Variants in RGS7 observed in about 807,000 individuals in gnomAD.
RGS7 encodes the protein regulator of G-protein signaling 7.
In RGS7, 27 loss-of-function variants were observed where a neutral mutation model predicts 81.1. The ratio of observed to expected loss-of-function variants is 0.33; its 90% CI spans 0.25 to 0.46. The LOEUF is 0.46. Among genes scored for constraint, RGS7 ranks in the 20% least tolerant of loss-of-function variants. The probability of loss-of-function intolerance (pLI) is 1.00; values close to 1 mark genes in which losing one functional copy is unlikely to be tolerated. For missense variants in RGS7, 396 were observed against 607.4 expected (o/e 0.65, Z 3.66); for synonymous variants, 208 against 207.7 (o/e 1.00, Z -0.01).
intron 3 of RGS7, among the ~76,000 whole-genome samples, chr1:241,090,402 C>T (rs2063799330): frequency 6.6e-6 from 1 of 152,132 alleles, no homozygotes; most frequent in African/African-American, 2.4e-5. Flanking sequence ...GACAATGACT[C>T]TCATCTTGGA....
Position 240,901,366 on chromosome 1 carries a change from G to A in RGS7, c.385+29351C>T, listed in dbSNP as rs370608763. Among the ~76,000 whole-genome samples, 6 of 152,122 alleles carry A rather than the reference G, an allele frequency of 3.9e-5. No individual in the cohort carries two copies. The East Asian group carries it at 5.8e-4, about 15-fold the overall frequency. Reference sequence around the variant, plus strand: ...AATGCAGAAATCACCCGTCTTCTGCGTCGCTCATGCTGGGAGCTGTAGACT... The same window carrying A: ...AATGCAGAAATCACCCGTCTTCTGCATCGCTCATGCTGGGAGCTGTAGACT... On this transcript the variant is annotated intron_variant, in intron 6 of 18. Coordinates refer to ENST00000440928, the MANE Select transcript of RGS7 (RefSeq NM_001364886.1).
At chr1:240,807,427 C>T (rs906854653) in intron 14 of RGS7, among the ~76,000 whole-genome samples, 2 of 152,096 alleles carry the variant, frequency 1.3e-5, no homozygotes, top group Non-Finnish European at 1.5e-5. Context: ...AAACTTCAGG[C>T]TACAGAGTCT....
rs984908480 is a variant in RGS7 at position 241,157,917 on chromosome 1, C to T, written c.79-59155G>A. Among the ~76,000 whole-genome samples, 17 of 150,240 alleles carry T rather than the reference C, an allele frequency of 1.1e-4. 1 individual carries two copies. Among genetic ancestry groups the T allele is most frequent in the African/African-American group, 2.0e-4 (8 of 40,672 alleles). Reference sequence around the variant, plus strand: ...CACTGCAAGCTCCACCTCCCGGTCACGCCATTCTCCTGCCTCAGCCTCCCG... The same window carrying T: ...CACTGCAAGCTCCACCTCCCGGTCATGCCATTCTCCTGCCTCAGCCTCCCG... On this transcript the variant is annotated intron_variant, in intron 2 of 18. Coordinates refer to ENST00000440928, the MANE Select transcript of RGS7 (RefSeq NM_001364886.1).
At position 241,174,895 on chromosome 1, in the gene RGS7, G is replaced by GTTT. The variant is rs551122102; in HGVS notation, c.79-76136_79-76134dup. ...ACTAGACTCCAATTCACAGAATTTT[G>GTTT]TTTTTTTTTTTTTTTTTTTTTTTTT... On this transcript the variant is annotated intron_variant, in intron 2 of 18. Transcript: ENST00000440928. Among the ~76,000 whole-genome samples, 261 of 69,244 alleles carry GTTT rather than the reference G, an allele frequency of 3.8e-3. 2 individuals are homozygous for GTTT. Among genetic ancestry groups the GTTT allele is most frequent in the African/African-American group, 8.5e-3 (143 of 16,736 alleles). 45.4% of individuals were successfully genotyped at this position (69,244 alleles called of 152,430 possible). A position where few individuals can be genotyped will look rare whatever the true frequency, so the allele number is the denominator to read the frequency against.
chr1:240,955,583 A>C (rs1260004041), intron 4 of RGS7, among the ~76,000 whole-genome samples: 4 of 91,208 alleles, frequency 4.4e-5, no homozygotes, highest in African/African-American at 1.5e-4. Context: ...AAAAAAAAAA[A>C]CCGATTTGGA....
rs527439209 is a variant in RGS7, at chr1:241,028,901, C to T, written c.176-45772G>A. ...TGACACAGAAGACCCAAAGGGAATG[C>T]GAACTGGGGCAGCCAGAAAGGGCTT... On this transcript the variant is annotated intron_variant, in intron 3 of 18. Coordinates refer to ENST00000440928, the MANE Select transcript of RGS7 (RefSeq NM_001364886.1). Among the ~76,000 whole-genome samples, 43 of 152,188 alleles carry T rather than the reference C, an allele frequency of 2.8e-4. No individual in the cohort carries two copies. The South Asian group carries it at 6.9e-3, about 24-fold the overall frequency.
intron 4 of RGS7, among the ~76,000 whole-genome samples, chr1:240,956,579 T>C (rs1680467049): frequency 6.6e-6 from 1 of 152,084 alleles, no homozygotes; most frequent in Non-Finnish European, 1.5e-5. Flanking sequence ...TTCCAAAAAG[T>C]ATACAATGAC....
chr1:240,991,686 T>C (rs888433470), intron 3 of RGS7, among the ~76,000 whole-genome samples: 1 of 152,236 alleles, frequency 6.6e-6, no homozygotes, highest in Non-Finnish European at 1.5e-5. Context: ...TTTAGTTCTA[T>C]GGTTCTTTAG....
At chr1:240,901,098 A>G (rs1669935065) in intron 6 of RGS7, among the ~76,000 whole-genome samples, 1 of 152,318 alleles carries the variant, frequency 6.6e-6, no homozygotes, top group Non-Finnish European at 1.5e-5. Context: ...CGAGCCAGGC[A>G]TGGGATATAA....
At chr1:241,130,944 A>AAAAAAAAAAAAAAAAAAAAAAC (rs1491202997) in intron 2 of RGS7, among the ~76,000 whole-genome samples, 1 of 150,134 alleles carries the variant, frequency 6.7e-6, no homozygotes, top group African/African-American at 2.5e-5. Flanking sequence ...AAAAAAAAAA[A>AAAAAAAAAAAAAAAAAAAAAAC]ACCAAGAGGC....
intron 10 of RGS7, among the ~76,000 whole-genome samples, chr1:240,826,681 A>G (rs1028161523): frequency 2.0e-5 from 3 of 152,080 alleles, no homozygotes; most frequent in Admixed American, 2.0e-4. Context: ...CACCCTGCAC[A>G]CCGATATTCT....
intron 18 of RGS7, among the ~76,000 whole-genome samples, chr1:240,785,129 A>C (rs1312223658): frequency 2.0e-5 from 3 of 152,168 alleles, no homozygotes; most frequent in Non-Finnish European, 4.4e-5. Flanking sequence ...TTTTACTCTC[A>C]TGTTGAAAAT....
intron 2 of RGS7, among the ~76,000 whole-genome samples, chr1:241,351,593 C>T (rs2083255409): frequency 6.6e-6 from 1 of 152,094 alleles, no homozygotes; most frequent in East Asian, 1.9e-4. Context: ...TCCTTTACAA[C>T]TAAATAAACA....
intron 2 of RGS7, among the ~76,000 whole-genome samples, chr1:241,298,461 A>G (rs1034141092): frequency 7.9e-5 from 12 of 152,204 alleles, no homozygotes; most frequent in African/African-American, 2.9e-4. Context: ...TCAGGTCCCC[A>G]GCCTACACAT....
chr1:240,952,578 A>T (rs1014339670), intron 4 of RGS7, among the ~76,000 whole-genome samples: 1 of 152,012 alleles, frequency 6.6e-6, no homozygotes, highest in African/African-American at 2.4e-5. Flanking sequence ...GCTGAAAAAG[A>T]AGGGGGGAAA....
intron 18 of RGS7, among the ~76,000 whole-genome samples, chr1:240,782,200 T>C (rs1684238100): frequency 6.6e-6 from 1 of 152,176 alleles, no homozygotes; most frequent in African/African-American, 2.4e-5. Flanking sequence ...AAGAAATGAT[T>C]GTGTGTATAC....
At chr1:241,117,000 C>T (rs756583090) in intron 2 of RGS7, among the ~76,000 whole-genome samples, 6 of 151,812 alleles carry the variant, frequency 4.0e-5, no homozygotes, top group African/African-American at 9.7e-5. Flanking sequence ...AGAATTAAAC[C>T]GATAGATGTA....
chr1:241,040,150 C>G (rs563151116), intron 3 of RGS7, among the ~76,000 whole-genome samples: 1 of 152,290 alleles, frequency 6.6e-6, no homozygotes, highest in African/African-American at 2.4e-5. Context: ...CCTGAGGTGG[C>G]CACATCTCCT....
intron 2 of RGS7, among the ~76,000 whole-genome samples, chr1:241,327,370 A>C (rs995053489): frequency 1.3e-5 from 2 of 152,176 alleles, no homozygotes; most frequent in Non-Finnish European, 2.9e-5. Flanking sequence ...TTCATATTGC[A>C]ATGATGAAGG....
Sources: gnomAD v4.1 joint callset for allele counts (sites outside exome capture counted in the v4.1 genomes callset) on GRCh38, gnomAD v4.1.1 for gene constraint, MANE v1.5 for transcripts, NCBI Gene and HGNC (gene_info 2026-07-23, HGNC 2026-07-21) for gene names.